The following PPFIBP2 variants were observed in gnomAD, a reference collection of about 807,000 sequenced individuals.
PPFIBP2 encodes liprin-beta-2.
PPFIBP2 carries 118 observed loss-of-function variants against 118.3 expected under a neutral mutation model. The ratio of observed to expected loss-of-function variants is 1.00; its 90% CI spans 0.86 to 1.16. The LOEUF is 1.16. Ranked by LOEUF, PPFIBP2 falls within the 50% of genes most tolerant of loss-of-function variation. PPFIBP2 has a pLI of 0.00. For missense variants in PPFIBP2, 1,195 were observed against 1,073.1 expected (o/e 1.11, Z -1.59); for synonymous variants, 414 against 397.4 (o/e 1.04, Z -0.50).
At chr11:7,645,026 CAAAAAAAAAAAAAAAAAAAAAAAAA>C (rs57087700) in intron 17 of PPFIBP2, among the ~76,000 whole-genome samples, 6 of 81,824 alleles carry the variant, frequency 7.3e-5, no homozygotes, top group Middle Eastern at 0.016. Context: ...GACTCCGTCT[CAAAAAAAAAAAAAAAAAAAAAAAAA>C]AAAAAAAAGG....
intron 3 of PPFIBP2, among the ~76,000 whole-genome samples, chr11:7,588,245 T>G (rs1051578179): frequency 1.3e-5 from 2 of 152,076 alleles, no homozygotes; most frequent in Non-Finnish European, 2.9e-5. Context: ...CATTGTACGG[T>G]CCAAACTGCC....
chr11:7,581,939 C>T (rs1047026942), intron 3 of PPFIBP2, among the ~76,000 whole-genome samples: 1 of 152,034 alleles, frequency 6.6e-6, no homozygotes, highest in South Asian at 2.1e-4. Flanking sequence ...TAGCTTCAAG[C>T]GATTCTCCTG....
chr11:7,535,772 T>G (rs1399660001), intron 1 of PPFIBP2, among the ~76,000 whole-genome samples: 3 of 152,130 alleles, frequency 2.0e-5, no homozygotes, highest in African/African-American at 7.2e-5. Context: ...TCCAGTGCCC[T>G]GGTTCTGAAT....
intron 6 of PPFIBP2, 22 bp from the exon 7 acceptor site, chr11:7,620,913 G>A (rs1183508802): frequency 1.9e-6 from 3 of 1,545,816 alleles, no homozygotes; most frequent in African/African-American, 2.7e-5. Flanking sequence ...TCAGAACTTT[G>A]TCTTTCTCCC....
At chr11:7,663,702 T>A in the PPFIBP2 span, among the ~76,000 whole-genome samples, 1 of 152,236 alleles carries the variant, frequency 6.6e-6, no homozygotes, top group Non-Finnish European at 1.5e-5. Context: ...GGCTGCTTTG[T>A]TTACCTAAGC....
At chr11:7,629,297 A>G (rs1342175008) in intron 9 of PPFIBP2, among the ~76,000 whole-genome samples, 162 bp from the exon 10 acceptor site, 5 of 152,212 alleles carry the variant, frequency 3.3e-5, no homozygotes, top group Non-Finnish European at 5.9e-5. Context: ...GAGGCAGACC[A>G]CTGAAATCCC....
intron 1 of PPFIBP2, among the ~76,000 whole-genome samples, chr11:7,521,189 C>T (rs1357479684): frequency 6.6e-6 from 1 of 152,226 alleles, no homozygotes; most frequent in Admixed American, 6.5e-5. Flanking sequence ...CATTTATGCA[C>T]ACTGAAAGCT....
At chr11:7,585,802 G>A (rs1311208522) in intron 3 of PPFIBP2, among the ~76,000 whole-genome samples, 1 of 152,192 alleles carries the variant, frequency 6.6e-6, no homozygotes, top group Admixed American at 6.5e-5. Flanking sequence ...GGAGGCCGCT[G>A]GGGGTTAACT....
rs778473625 is a variant in PPFIBP2 at position 7,565,609 on chromosome 11, C to T, written c.121C>T (p.Pro41Ser). ...TACTTGTGAGCCTGGACTGGCTTCC[C>T]CGGCCTCCTACATGAACCCCTTCCC... is the stretch of plus-strand genomic sequence containing the variant. ...DGTCEPGLAS[P>S]ASYMNPFPVL... The change falls in exon 3 of 24, where the codon CCG (proline) becomes TCG (serine). Residue 41 changes from proline to serine, a missense_variant. Transcript: ENST00000299492. 1.9e-6 allele frequency: 3 copies of T among 1,614,188 alleles called. No homozygotes were observed. Among genetic ancestry groups the T allele is most frequent in the Non-Finnish European group, 2.5e-6 (3 of 1,180,030 alleles).
chr11:7,601,506 T>C (rs1284780034), intron 5 of PPFIBP2, among the ~76,000 whole-genome samples: 1 of 152,138 alleles, frequency 6.6e-6, no homozygotes, highest in Non-Finnish European at 1.5e-5. Context: ...GCTACAAGCA[T>C]CTCATAGCTG....
intron 14 of PPFIBP2, among the ~76,000 whole-genome samples, chr11:7,638,154 T>C (rs563819903): frequency 1.3e-5 from 2 of 152,220 alleles, no homozygotes; most frequent in Non-Finnish European, 2.9e-5. Flanking sequence ...GTTAAAAATA[T>C]AGACATCTGG....
intron 1 of PPFIBP2, among the ~76,000 whole-genome samples, chr11:7,542,102 A>T (rs895333432): frequency 6.6e-6 from 1 of 152,146 alleles, no homozygotes; most frequent in African/African-American, 2.4e-5. Context: ...GATCATGTCA[A>T]CTCTATCCTC....
At chr11:7,554,482 T>G (rs778250931) in intron 2 of PPFIBP2, among the ~76,000 whole-genome samples, 53 of 152,114 alleles carry the variant, frequency 3.5e-4, no homozygotes, top group South Asian at 4.1e-4. Flanking sequence ...AAGCTTTTAG[T>G]GCAAAAAAAA....
intron 3 of PPFIBP2, chr11:7,577,405 C>A: frequency 8.1e-6 from 3 of 371,196 alleles, no homozygotes; most frequent in South Asian, 6.0e-5. Context: ...CTCTGTGTCG[C>A]TGTGTGTCTG....
At chr11:7,516,778 GTCTTCC>G (rs1430393142) in intron 1 of PPFIBP2, among the ~76,000 whole-genome samples, 1 of 152,152 alleles carries the variant, frequency 6.6e-6, no homozygotes, top group Non-Finnish European at 1.5e-5. Context: ...CTGGCCGGCT[GTCTTCC>G]TGCTTCTGCT....
chr11:7,618,206 A>T (rs1429223972), intron 6 of PPFIBP2, among the ~76,000 whole-genome samples: 10 of 152,236 alleles, frequency 6.6e-5, no homozygotes. Flanking sequence ...GCGGGGAAAT[A>T]GGAAAGTCAA....
intron 8 of PPFIBP2, among the ~76,000 whole-genome samples, chr11:7,627,317 G>C (rs1463625998): frequency 6.6e-6 from 1 of 152,158 alleles, no homozygotes; most frequent in Non-Finnish European, 1.5e-5. Flanking sequence ...TAATGAGCAA[G>C]CAATTCTCCA....
chr11:7,631,150 A>G (rs1273083461), intron 11 of PPFIBP2, 122 bp downstream of exon 11: 1 of 744,052 alleles, frequency 1.3e-6, no homozygotes, highest in East Asian at 2.7e-5. Context: ...TACTTAAATT[A>G]ATATAGTGCC....
chr11:7,592,376 C>G (rs1246224606), intron 3 of PPFIBP2, among the ~76,000 whole-genome samples: 6 of 152,162 alleles, frequency 3.9e-5, no homozygotes, highest in Non-Finnish European at 8.8e-5. Context: ...ACATCCTCTC[C>G]CTTTCCTCTC....
Sources: gnomAD v4.1 joint callset for allele counts (sites outside exome capture counted in the v4.1 genomes callset) on GRCh38, gnomAD v4.1.1 for gene constraint, MANE v1.5 for transcripts, NCBI Gene and HGNC (gene_info 2026-07-23, HGNC 2026-07-21) for gene names.